The following FHIP1A variants were observed in gnomAD, a reference collection of about 807,000 sequenced individuals.
The protein encoded by FHIP1A is FHF complex subunit HOOK-interacting protein 1A.
In FHIP1A, 61 loss-of-function variants were observed where a neutral mutation model predicts 88.6. The ratio of observed to expected loss-of-function variants is 0.69; its 90% CI spans 0.56 to 0.85. The LOEUF (loss-of-function observed/expected upper bound fraction) is 0.85. Ranked by LOEUF, FHIP1A falls within the 40% of genes least tolerant of loss-of-function variation. The probability of loss-of-function intolerance (pLI) is 0.00; values close to 1 mark genes in which losing one functional copy is unlikely to be tolerated. For missense variants in FHIP1A, 1,154 were observed against 1,273.5 expected (o/e 0.91, Z 1.43); for synonymous variants, 478 against 496.0 (o/e 0.96, Z 0.48).
chr4:151,628,652 G>A (rs886790121), intron 7 of FHIP1A, among the ~76,000 whole-genome samples: 1 of 152,348 alleles, frequency 6.6e-6, no homozygotes, highest in African/African-American at 2.4e-5. Flanking sequence ...ATTGCCATCT[G>A]TTTTGTTTAA....
chr4:151,565,253 A>G (rs1198974153), intron 3 of FHIP1A, among the ~76,000 whole-genome samples: 2 of 152,128 alleles, frequency 1.3e-5, no homozygotes, highest in East Asian at 3.9e-4. Context: ...AGACAATACC[A>G]CTGCCTTACT....
chr4:151,432,950 C>G (rs1390084017), intron 1 of FHIP1A, among the ~76,000 whole-genome samples: 3 of 152,054 alleles, frequency 2.0e-5, no homozygotes, highest in Non-Finnish European at 4.4e-5. Context: ...ACCATTTAAA[C>G]CTGGTCTTTT....
chr4:151,511,851 G>A (rs1731047214), intron 3 of FHIP1A, among the ~76,000 whole-genome samples: 1 of 152,264 alleles, frequency 6.6e-6, no homozygotes, highest in South Asian at 2.1e-4. Flanking sequence ...TCCGCCTCTG[G>A]GGGCAGGGCA....
chr4:151,545,594 G>T (rs1479988795), intron 3 of FHIP1A, among the ~76,000 whole-genome samples: 5 of 151,652 alleles, frequency 3.3e-5, no homozygotes, highest in African/African-American at 9.7e-5. Flanking sequence ...AGCCAGGATG[G>T]TCTCGATCTC....
intron 3 of FHIP1A, among the ~76,000 whole-genome samples, chr4:151,511,400 G>A (rs1425148736): frequency 6.6e-6 from 1 of 152,226 alleles, no homozygotes; most frequent in African/African-American, 2.4e-5. Context: ...GAGGTACCGG[G>A]TTCATCTCAC....
intron 7 of FHIP1A, 46 bp from the exon 8 acceptor site, chr4:151,629,656 G>A (rs946505156): frequency 3.3e-6 from 5 of 1,530,534 alleles, no homozygotes; most frequent in Non-Finnish European, 4.4e-6. Context: ...GTGTATCACA[G>A]CATCAAAAGG....
chr4:151,528,423 G>C (rs1731760327), intron 3 of FHIP1A, among the ~76,000 whole-genome samples: 1 of 152,152 alleles, frequency 6.6e-6, no homozygotes, highest in African/African-American at 2.4e-5. Flanking sequence ...TCGAAATATA[G>C]AACTCATTTA....
At chr4:151,527,411 G>A (rs1335961927) in intron 3 of FHIP1A, among the ~76,000 whole-genome samples, 1 of 152,202 alleles carries the variant, frequency 6.6e-6, no homozygotes, top group East Asian at 1.9e-4. Context: ...GCAGTCGCAG[G>A]CACTCGGCAG....
intron 7 of FHIP1A, among the ~76,000 whole-genome samples, chr4:151,596,905 A>T (rs919212348): frequency 6.6e-6 from 1 of 151,984 alleles, no homozygotes; most frequent in Admixed American, 6.5e-5. Flanking sequence ...TAAACTGGTT[A>T]TTCTAGGTAG....
At chr4:151,479,398 G>A (rs1385583226) in intron 2 of FHIP1A, among the ~76,000 whole-genome samples, 2 of 152,102 alleles carry the variant, frequency 1.3e-5, no homozygotes, top group Non-Finnish European at 2.9e-5. Context: ...AATGGAATCA[G>A]TGAAGTTTGT....
Position 151,656,877 on chromosome 4 carries a change from AC to A in FHIP1A, c.2852del (p.Pro951LeufsTer4), listed in dbSNP as rs1428496529. The A allele has an allele frequency of 3.2e-6, 5 of 1,551,276 alleles. No individual in the cohort carries two copies. Among genetic ancestry groups the A allele is most frequent in the Non-Finnish European group, 4.4e-6 (5 of 1,146,892 alleles). On this transcript the variant is annotated frameshift_variant, in exon 13 of 14. Coordinates refer to ENST00000435205, the MANE Select transcript of FHIP1A (RefSeq NM_001109977.3). LOFTEE classifies it high-confidence loss of function. The surrounding 1 kb of genome is among the most constrained non-coding windows in gnomAD (Gnocchi z 4.2). The part of the protein sequence containing the change: ...LLFRVDMSDM[T>X]PAALTKDPIQ... ...CTTCCGTGTGGACATGTCTGATATGACCCCTGCAGCACTAACCAAAGGTAAG... is the reference window on the plus strand; with the variant it reads ...CTTCCGTGTGGACATGTCTGATATGACCCTGCAGCACTAACCAAAGGTAAG...
chr4:151,469,295 A>C (rs1028532197), intron 2 of FHIP1A, among the ~76,000 whole-genome samples: 1 of 152,206 alleles, frequency 6.6e-6, no homozygotes, highest in Admixed American at 6.5e-5. Context: ...ATACTTGTGC[A>C]ATCTTGCTTT....
intron 3 of FHIP1A, among the ~76,000 whole-genome samples, chr4:151,523,479 T>A (rs3929153): frequency 0.52 from 79,009 of 152,060 alleles, 20,837 homozygotes; most frequent in African/African-American, 0.55. Context: ...CCGAAGGGAA[T>A]GGACAACATA....
chr4:151,435,483 G>A lies in FHIP1A; in HGVS notation c.-355-19218G>A, dbSNP rs77868940. 4.0e-3 allele frequency among the ~76,000 whole-genome samples: 604 copies of A among 152,174 alleles called. 5 individuals carry two copies. The highest frequency in any genetic ancestry group is 0.014 in the African/African-American group (583 of 41,532). ...CAGTAAAAAATTTTCCTAAACCTGCGTTGGTATAAATCTAAATGGGTTTGG... is the reference window on the plus strand; with the variant it reads ...CAGTAAAAAATTTTCCTAAACCTGCATTGGTATAAATCTAAATGGGTTTGG... On this transcript the variant is annotated intron_variant, in intron 1 of 13. Coordinates refer to ENST00000435205, the MANE Select transcript of FHIP1A (RefSeq NM_001109977.3).
rs186277955 is a variant in FHIP1A at position 151,491,079 on chromosome 4, T to C, written c.-123+8431T>C. 1.3e-4 allele frequency among the ~76,000 whole-genome samples: 20 copies of C among 152,254 alleles called. No individual in the cohort carries two copies. The East Asian group carries it at 2.9e-3, about 22-fold the overall frequency. ...TTGGAAAACTTATTTGAGGGAATAATCAAGGAAAACTTCCCTGGTCTTGCT... is the reference window on the plus strand; with the variant it reads ...TTGGAAAACTTATTTGAGGGAATAACCAAGGAAAACTTCCCTGGTCTTGCT... On this transcript the variant is annotated intron_variant, in intron 3 of 13. Transcript: ENST00000435205.
chr4:151,623,827 T>G (rs901816547), intron 7 of FHIP1A, among the ~76,000 whole-genome samples: 5 of 152,234 alleles, frequency 3.3e-5, no homozygotes, highest in Admixed American at 6.5e-5. Flanking sequence ...TTCCTCTCGC[T>G]GTTTTCCTCA....
Position 151,566,373 on chromosome 4 carries a change from T to C in FHIP1A, c.105+9T>C. On this transcript the variant is annotated intron_variant, in intron 4 of 13. Transcript: ENST00000435205. ...AAAACCACTGGGCACAGGTAATGTA[T>C]GAATTCCACTTTTTTTGCTGGTCTC... 6.6e-7 allele frequency: 1 copy of C among 1,516,132 alleles called. No homozygotes were observed. Among genetic ancestry groups the C allele is most frequent in the Non-Finnish European group, 9.0e-7 (1 of 1,114,548 alleles). The allele number at this position is 1,516,132 out of a possible 1,614,324, so 93.9% of individuals were successfully genotyped here. A position where few individuals can be genotyped will look rare whatever the true frequency, so the allele number is the denominator to read the frequency against.
At chr4:151,445,181 A>ATT (rs1728546064) in intron 1 of FHIP1A, among the ~76,000 whole-genome samples, 1 of 152,156 alleles carries the variant, frequency 6.6e-6, no homozygotes, top group African/African-American at 2.4e-5. Context: ...ACTGTTACTA[A>ATT]TTTACTACAA....
At chr4:151,544,070 C>T (rs752810765) in intron 3 of FHIP1A, among the ~76,000 whole-genome samples, 3 of 152,058 alleles carry the variant, frequency 2.0e-5, no homozygotes, top group Non-Finnish European at 4.4e-5. Flanking sequence ...CATGGTACTC[C>T]CTGAGTACTT....
Sources: gnomAD v4.1 joint callset for allele counts (sites outside exome capture counted in the v4.1 genomes callset) on GRCh38, gnomAD v4.1.1 for gene constraint, Gnocchi (gnomAD v3.1) non-coding constraint, MANE v1.5 for transcripts, NCBI Gene and HGNC (gene_info 2026-07-23, HGNC 2026-07-21) for gene names.